CEP43: variants seen among roughly 807,000 people sequenced by gnomAD.
The protein encoded by CEP43 is centrosomal protein 43.
Under a neutral mutation model 52.6 loss-of-function variants are expected in CEP43, and 36 were observed. The observed-to-expected ratio is 0.68, with a 90% CI of 0.52 to 0.90. CEP43 has a LOEUF of 0.90. Among genes scored for constraint, CEP43 ranks in the 40% least tolerant of loss-of-function variants. The probability of loss-of-function intolerance (pLI) is 0.00; values close to 1 mark genes in which losing one functional copy is unlikely to be tolerated. For missense variants in CEP43, 506 were observed against 472.8 expected, an observed-to-expected ratio of 1.07 and a Z score of -0.65; for synonymous variants, 192 against 172.4, an observed-to-expected ratio of 1.11 and a Z score of -0.89.
intron 6 of CEP43, 66 bp from the exon 7 acceptor site, chr6:167,013,442 A>G (rs1391105749): frequency 2.1e-5 from 27 of 1,311,426 alleles, no homozygotes; most frequent in Middle Eastern, 1.8e-4. Flanking sequence ...TTGTTTGGTA[A>G]TGAGTTAGTT....
chr6:167,036,612 A>G, intron 12 of CEP43: 1 of 985,428 alleles, frequency 1.0e-6, no homozygotes, highest in Non-Finnish European at 1.2e-6. Flanking sequence ...AAATCTTACA[A>G]GTTCCCGTCG....
chr6:167,018,843 G>A (rs1439210970), intron 7 of CEP43, among the ~76,000 whole-genome samples: 1 of 152,186 alleles, frequency 6.6e-6, no homozygotes, highest in Non-Finnish European at 1.5e-5. Flanking sequence ...CTTAACTCAT[G>A]ATAAGGGTTT....
rs1042621219 is a variant in CEP43, at chr6:167,048,863, CAT to C, written c.*8888_*8889del. The C allele has an allele frequency of 2.6e-5, 4 of 152,128 alleles. No individual in the cohort carries two copies. The highest frequency in any genetic ancestry group is 2.9e-5 in the Non-Finnish European group (2 of 68,018). The allele number at this position is 152,128 out of a possible 1,614,324, so 9.4% of individuals were successfully genotyped here. On this transcript the variant is annotated 3_prime_UTR_variant, in exon 13 of 13. Transcript: ENST00000366847. ...GAAAGTGTGAAATAGCCTCTAAACT[CAT>C]ATGTGGAAAAAGAACTTGAAAAAGG...
Position 167,042,058 on chromosome 6 carries a change from G to A in CEP43, c.*2080G>A, listed in dbSNP as rs890794323. On this transcript the variant is annotated 3_prime_UTR_variant, in exon 13 of 13. Transcript: ENST00000366847. ...AGGCTGGTCTTGAACTCCTGACCTC[G>A]TTCCTGCCTTAGCCTCCTAAAGTGC... is the stretch of plus-strand genomic sequence containing the variant. The A allele has an allele frequency of 6.2e-6, 5 of 804,762 alleles. No homozygotes were observed. Among genetic ancestry groups the A allele is most frequent in the Non-Finnish European group, 7.6e-6 (5 of 659,270 alleles). The allele number at this position is 804,762 out of a possible 1,614,324, so 49.9% of individuals were successfully genotyped here.
chr6:167,040,151 T>C lies in CEP43; in HGVS notation c.*173T>C, dbSNP rs1562535775. On this transcript the variant is annotated 3_prime_UTR_variant, in exon 13 of 13. Transcript: ENST00000366847. ...TTTTCATTTTACTAAACAAAATACT[T>C]CCTATTTGAGCCCATGTGTGGAAGA... 2 of 1,540,900 alleles carry C rather than the reference T, an allele frequency of 1.3e-6. No homozygotes were observed. Among genetic ancestry groups the C allele is most frequent in the South Asian group, 2.4e-5 (2 of 84,448 alleles).
intron 5 of CEP43, among the ~76,000 whole-genome samples, chr6:167,008,331 A>G (rs191321479): frequency 1.2e-3 from 187 of 151,974 alleles, no homozygotes; most frequent in Non-Finnish European, 2.0e-3. Context: ...CTCTCTCCTT[A>G]CTGGAAACTG....
At chr6:167,037,919 G>A (rs180710240) in intron 12 of CEP43, among the ~76,000 whole-genome samples, 1 of 152,184 alleles carries the variant, frequency 6.6e-6, no homozygotes, top group Non-Finnish European at 1.5e-5. Context: ...GTGTGTGTGG[G>A]TGTGGCTGTG....
At chr6:167,024,744 CAT>C (rs1780315940) in intron 8 of CEP43, 36 bp from the exon 9 acceptor site, 1 of 1,416,366 alleles carries the variant, frequency 7.1e-7, no homozygotes, top group African/African-American at 1.4e-5. Flanking sequence ...AGTGGCAGAA[CAT>C]AAGAGCACCG....
intron 5 of CEP43, among the ~76,000 whole-genome samples, chr6:167,008,488 G>A (rs1188575899): frequency 8.0e-5 from 12 of 150,562 alleles, no homozygotes; most frequent in African/African-American, 1.2e-4. Flanking sequence ...TTTTTGAGAC[G>A]GAGTCTTGCT....
At chr6:167,014,795 C>T (rs1337975459) in intron 7 of CEP43, among the ~76,000 whole-genome samples, 2 of 152,022 alleles carry the variant, frequency 1.3e-5, no homozygotes, top group African/African-American at 4.8e-5. Context: ...TGTGTTAATG[C>T]TTTGGGCAAC....
chr6:167,039,801 G>GC (rs1780656010), intron 12 of CEP43, 103 bp from the exon 13 acceptor site: 1 of 1,160,508 alleles, frequency 8.6e-7, no homozygotes, highest in Admixed American at 2.2e-5. Context: ...GGCCATTCTT[G>GC]CAGGAGTAAG....
chr6:167,018,383 A>ATG (rs765563279), intron 7 of CEP43, among the ~76,000 whole-genome samples: 9 of 151,598 alleles, frequency 5.9e-5, no homozygotes, highest in Admixed American at 3.3e-4. Context: ...TTGCCATGGT[A>ATG]TGTGTGTGTG....
At chr6:167,023,020 G>T (rs894394709) in intron 8 of CEP43, among the ~76,000 whole-genome samples, 1 of 152,164 alleles carries the variant, frequency 6.6e-6, no homozygotes, top group Non-Finnish European at 1.5e-5. Flanking sequence ...CGAGTGTGTG[G>T]TCAGGGCAGG....
At position 167,024,948 on chromosome 6, in the gene CEP43, A is replaced by G. The variant is rs1780322011; in HGVS notation, c.919+54A>G. On this transcript the variant is annotated intron_variant, in intron 9 of 12. Coordinates refer to ENST00000366847, the MANE Select transcript of CEP43 (RefSeq NM_007045.4). ...ACTCGGGATATTTTTTCTCTAATTAAATACTATGTGATTATTGTTGATTTT... is the reference window on the plus strand; with the variant it reads ...ACTCGGGATATTTTTTCTCTAATTAGATACTATGTGATTATTGTTGATTTT... 1.1e-5 allele frequency: 11 copies of G among 958,628 alleles called. No homozygotes were observed. In the South Asian group the frequency reaches 1.3e-4, roughly 11 times the overall value. 59.4% of individuals were successfully genotyped at this position (958,628 alleles called of 1,614,324 possible).
At chr6:167,000,874 G>C (rs567085454) in intron 2 of CEP43, among the ~76,000 whole-genome samples, 124 of 152,140 alleles carry the variant, frequency 8.2e-4, no homozygotes, top group African/African-American at 2.9e-3. Flanking sequence ...AAATCTCAGT[G>C]GTCATTTAAC....
intron 12 of CEP43, among the ~76,000 whole-genome samples, chr6:167,035,504 C>G (rs956875477): frequency 6.6e-6 from 1 of 151,546 alleles, no homozygotes. Flanking sequence ...TTCATCACAT[C>G]TGGGTTTGAG....
intron 5 of CEP43, among the ~76,000 whole-genome samples, chr6:167,009,251 G>A (rs1779924137): frequency 1.3e-5 from 2 of 151,662 alleles, no homozygotes; most frequent in African/African-American, 4.9e-5. Context: ...AATTGGCCAG[G>A]TGCGGTGGCT....
chr6:167,004,013 G>T lies in CEP43; in HGVS notation c.300+202G>T. On this transcript the variant is annotated intron_variant, in intron 4 of 12. Coordinates refer to ENST00000366847, the MANE Select transcript of CEP43 (RefSeq NM_007045.4). Reference sequence around the variant, plus strand: ...TGTTGCTGCTTTGTGTTACTTGAAAGCTTGCTAATAAAAGTGTTACTATAG... The same window carrying T: ...TGTTGCTGCTTTGTGTTACTTGAAATCTTGCTAATAAAAGTGTTACTATAG... 4 of 587,524 alleles carry T rather than the reference G, an allele frequency of 6.8e-6. No individual in the cohort carries two copies. In the Admixed American group the frequency reaches 9.8e-5, roughly 14 times the overall value. 36.4% of individuals were successfully genotyped at this position (587,524 alleles called of 1,614,324 possible).
chr6:167,001,930 C>T (rs1159476031), intron 2 of CEP43, among the ~76,000 whole-genome samples: 1 of 152,092 alleles, frequency 6.6e-6, no homozygotes, highest in Non-Finnish European at 1.5e-5. Context: ...CCTCCATTCT[C>T]TTAAAATATT....
Sources: gnomAD v4.1 joint callset for allele counts (sites outside exome capture counted in the v4.1 genomes callset) on GRCh38, gnomAD v4.1.1 for gene constraint, MANE v1.5 for transcripts, NCBI Gene and HGNC (gene_info 2026-07-23, HGNC 2026-07-21) for gene names.